Variants in ATF7IP observed in about 807,000 individuals in gnomAD.
The protein encoded by ATF7IP is activating transcription factor 7 interacting protein.
A neutral mutation model predicts 106.4 loss-of-function variants in ATF7IP; 23 were observed. The observed-to-expected ratio is 0.22, with a 90% CI of 0.16 to 0.31. The LOEUF (loss-of-function observed/expected upper bound fraction) is 0.31, where lower values mean the gene tolerates loss of function less well. Ranked by LOEUF, ATF7IP falls within the 10% of genes least tolerant of loss-of-function variation. ATF7IP has a pLI of 1.00. For missense variants in ATF7IP, 1,334 were observed against 1,524.3 expected, an observed-to-expected ratio of 0.88 and a Z score of 2.08; for synonymous variants, 542 against 539.0, an observed-to-expected ratio of 1.01 and a Z score of -0.08.
At chr12:14,426,529 C>CT (rs200611526) in intron 2 of ATF7IP, among the ~76,000 whole-genome samples, 8,783 of 131,580 alleles carry the variant, frequency 0.067, 307 homozygotes, top group Non-Finnish European at 0.082. Context: ...TAAAAAATGG[C>CT]TTTTTTTTTT....
chr12:14,375,341 T>C (rs1938696077), intron 1 of ATF7IP, among the ~76,000 whole-genome samples: 1 of 152,100 alleles, frequency 6.6e-6, no homozygotes, highest in Non-Finnish European at 1.5e-5. Flanking sequence ...AAAAACAGTT[T>C]TCAATGTCAT....
intron 1 of ATF7IP, among the ~76,000 whole-genome samples, chr12:14,399,444 A>G (rs1036710179): frequency 1.3e-5 from 2 of 151,970 alleles, no homozygotes; most frequent in Non-Finnish European, 2.9e-5. Context: ...ATTTCCCTAT[A>G]ATGATTTTCT....
chr12:14,492,513 A>G (rs1944862579), intron 13 of ATF7IP, among the ~76,000 whole-genome samples: 1 of 151,620 alleles, frequency 6.6e-6, no homozygotes, highest in African/African-American at 2.4e-5. Flanking sequence ...CAAGTCTGGA[A>G]ATTGATTGAG....
chr12:14,475,519 A>G (rs530739652), intron 10 of ATF7IP, among the ~76,000 whole-genome samples: 1 of 152,298 alleles, frequency 6.6e-6, no homozygotes, highest in African/African-American at 2.4e-5. Context: ...TTCTAGCTTT[A>G]ATGATTGCCT....
chr12:14,471,372 T>TA (rs1944037874), intron 10 of ATF7IP, among the ~76,000 whole-genome samples: 1 of 152,218 alleles, frequency 6.6e-6, no homozygotes, highest in South Asian at 2.1e-4. Flanking sequence ...CTAAGAGTGG[T>TA]ATGATTGTGA....
chr12:14,436,137 A>C lies in ATF7IP; in HGVS notation c.1677A>C (p.Ser559=). The change falls in exon 4 of 15, where the codon TCA becomes TCC. Residue 559 remains serine (S), a synonymous_variant. Transcript: ENST00000261168. ...TTTCTAGACGAAAACGTTCTAAATC[A>C]GAAGACATGGACAATGTACAGTCTA... is the stretch of plus-strand genomic sequence containing the variant. ...NEFSRRKRSK[S]EDMDNVQSKR... 1 of 1,613,304 alleles carries C rather than the reference A, an allele frequency of 6.2e-7. No individual in the cohort carries two copies. The highest frequency in any genetic ancestry group is 8.5e-7 in the Non-Finnish European group (1 of 1,179,686).
At chr12:14,432,643 A>G (rs913425244) in intron 2 of ATF7IP, among the ~76,000 whole-genome samples, 2 of 152,148 alleles carry the variant, frequency 1.3e-5, no homozygotes, top group Non-Finnish European at 2.9e-5. Context: ...GTCCTTGCCT[A>G]TTTTCACCTA....
chr12:14,476,714 GTA>G (rs1304246118), intron 11 of ATF7IP, among the ~76,000 whole-genome samples: 1 of 151,940 alleles, frequency 6.6e-6, no homozygotes, highest in Non-Finnish European at 1.5e-5. Context: ...TGCAGATACT[GTA>G]TATATATGTA....
At chr12:14,476,155 T>G in intron 11 of ATF7IP, 187 bp downstream of exon 11, 1 of 497,620 alleles carries the variant, frequency 2.0e-6, no homozygotes. Flanking sequence ...ACACCTGTAA[T>G]CCCAGTGCTT....
intron 1 of ATF7IP, among the ~76,000 whole-genome samples, chr12:14,381,024 T>C (rs1938981747): frequency 6.6e-6 from 1 of 152,228 alleles, no homozygotes; most frequent in Non-Finnish European, 1.5e-5. Context: ...TTCTAAGGTA[T>C]CTTTCTGCTT....
At chr12:14,388,029 T>G (rs78340596) in intron 1 of ATF7IP, among the ~76,000 whole-genome samples, 1 of 151,020 alleles carries the variant, frequency 6.6e-6, no homozygotes, top group East Asian at 1.9e-4. Context: ...TTTTTTTTTT[T>G]TGAGACGGAG....
At chr12:14,422,978 C>T (rs1941614385) in intron 1 of ATF7IP, among the ~76,000 whole-genome samples, 1 of 152,150 alleles carries the variant, frequency 6.6e-6, no homozygotes, top group Non-Finnish European at 1.5e-5. Flanking sequence ...TGCCTGTTTT[C>T]CAAAGCAGCT....
chr12:14,450,519 G>A (rs1472838717), intron 6 of ATF7IP, among the ~76,000 whole-genome samples: 1 of 152,058 alleles, frequency 6.6e-6, no homozygotes, highest in Non-Finnish European at 1.5e-5. Flanking sequence ...AACCAACTTG[G>A]TCATGGTGTA....
chr12:14,438,344 A>AG, intron 5 of ATF7IP, 77 bp downstream of exon 5: 1 of 1,270,446 alleles, frequency 7.9e-7, no homozygotes, highest in Non-Finnish European at 1.1e-6. Flanking sequence ...TATATTTGAG[A>AG]TTAACTATAA....
intron 1 of ATF7IP, among the ~76,000 whole-genome samples, chr12:14,401,714 C>CTTTTT (rs3083699): frequency 2.1e-3 from 159 of 76,894 alleles, no homozygotes; most frequent in African/African-American, 2.2e-3. Flanking sequence ...AGAGATTAAG[C>CTTTTT]TTTTTTTTTT....
At chr12:14,474,336 T>C (rs1253413527) in intron 10 of ATF7IP, among the ~76,000 whole-genome samples, 1 of 151,774 alleles carries the variant, frequency 6.6e-6, no homozygotes, top group African/African-American at 2.4e-5. Flanking sequence ...TCTTTTTTTT[T>C]CAGTTTCTTT....
chr12:14,416,770 C>T (rs1941226001), intron 1 of ATF7IP: 2 of 245,332 alleles, frequency 8.2e-6, no homozygotes, highest in Non-Finnish European at 1.3e-5. Flanking sequence ...TCCCTTGTTG[C>T]TGGGCAAGGT....
At chr12:14,421,033 T>A (rs1941481019) in intron 1 of ATF7IP, among the ~76,000 whole-genome samples, 1 of 152,252 alleles carries the variant, frequency 6.6e-6, no homozygotes, top group African/African-American at 2.4e-5. Flanking sequence ...CAGAACCACA[T>A]CCTTGTGCTC....
chr12:14,369,991 G>A (rs1407110264), intron 1 of ATF7IP, among the ~76,000 whole-genome samples: 3 of 150,698 alleles, frequency 2.0e-5, no homozygotes, highest in South Asian at 2.1e-4. Flanking sequence ...AGGCTGGAGT[G>A]CAATGGCACG....
Sources: gnomAD v4.1 joint callset for allele counts (sites outside exome capture counted in the v4.1 genomes callset) on GRCh38, gnomAD v4.1.1 for gene constraint, MANE v1.5 for transcripts, NCBI Gene and HGNC (gene_info 2026-07-23, HGNC 2026-07-21) for gene names.